Variants in STAG1 observed in about 807,000 individuals in gnomAD.
STAG1 encodes STAG1 cohesin complex component.
STAG1 carries 26 observed loss-of-function variants against 170.9 expected under a neutral mutation model. That is an observed-to-expected ratio of 0.15 (90% confidence interval 0.11 to 0.21). The LOEUF (loss-of-function observed/expected upper bound fraction) is 0.21, where lower values mean the gene tolerates loss of function less well. STAG1 is among the 10% of genes least tolerant of loss of function. The probability of loss-of-function intolerance (pLI) is 1.00; values close to 1 mark genes in which losing one functional copy is unlikely to be tolerated. For synonymous variants in STAG1, 514 were observed against 497.7 expected (o/e 1.03, Z -0.44); for missense variants, 964 against 1,509.5 (o/e 0.64, Z 5.99).
intron 1 of STAG1, among the ~76,000 whole-genome samples, chr3:136,681,434 T>C (rs940311156): frequency 1.3e-5 from 2 of 152,184 alleles, no homozygotes; most frequent in African/African-American, 4.8e-5. Context: ...TCAATCTGCC[T>C]GTAGCCTTGG....
intron 27 of STAG1, among the ~76,000 whole-genome samples, chr3:136,358,455 T>G (rs1936739609): frequency 6.6e-6 from 1 of 152,164 alleles, no homozygotes; most frequent in African/African-American, 2.4e-5. Flanking sequence ...GCCAGAATAT[T>G]TGCTTCTTAG....
At chr3:136,699,443 T>C (rs1325618940) in intron 1 of STAG1, among the ~76,000 whole-genome samples, 1 of 152,168 alleles carries the variant, frequency 6.6e-6, no homozygotes, top group East Asian at 1.9e-4. Flanking sequence ...CAGGCTGGAA[T>C]GCAATGGCAT....
At chr3:136,435,255 T>C (rs980742746) in intron 15 of STAG1, among the ~76,000 whole-genome samples, 1 of 152,234 alleles carries the variant, frequency 6.6e-6, no homozygotes, top group African/African-American at 2.4e-5. Flanking sequence ...AAGTGGCTTA[T>C]ATGTAATAAC....
At chr3:136,714,938 AATATATATATATATAT>A (rs71714671) in intron 1 of STAG1, among the ~76,000 whole-genome samples, 1,295 of 95,708 alleles carry the variant, frequency 0.014, 22 homozygotes, top group African/African-American at 0.05. Flanking sequence ...ATATATATTA[AATATATATATATATAT>A]ATATATATAT....
chr3:136,477,211 T>C (rs1251823974), intron 10 of STAG1, 78 bp downstream of exon 10: 1 of 1,449,278 alleles, frequency 6.9e-7, no homozygotes, highest in African/African-American at 1.4e-5. Context: ...AAAAATCAAC[T>C]ACTGTCATTT....
intron 21 of STAG1, among the ~76,000 whole-genome samples, chr3:136,405,818 A>G (rs1298167527): frequency 6.6e-6 from 1 of 150,430 alleles, no homozygotes; most frequent in Non-Finnish European, 1.5e-5. Flanking sequence ...AAAAAAAAAA[A>G]AAAGGAAAAA....
intron 3 of STAG1, among the ~76,000 whole-genome samples, chr3:136,619,257 A>G (rs1939736254): frequency 6.7e-6 from 1 of 150,094 alleles, no homozygotes; most frequent in Non-Finnish European, 1.5e-5. Context: ...AACACCATTC[A>G]CTCATTAAAC....
At chr3:136,555,106 TATATTATA>T (rs1024904371) in intron 5 of STAG1, among the ~76,000 whole-genome samples, 2 of 147,774 alleles carry the variant, frequency 1.4e-5, no homozygotes, top group Non-Finnish European at 3.0e-5. Flanking sequence ...TTATAATATA[TATATTATA>T]AATATATAAA....
intron 1 of STAG1, among the ~76,000 whole-genome samples, chr3:136,731,635 C>T (rs186661175): frequency 6.6e-6 from 1 of 152,360 alleles, no homozygotes; most frequent in Admixed American, 6.5e-5. Flanking sequence ...ATATGCCCCT[C>T]CTTGTGTACT....
chr3:136,700,927 G>A (rs1449072350), intron 1 of STAG1, among the ~76,000 whole-genome samples: 2 of 136,726 alleles, frequency 1.5e-5, no homozygotes, highest in Non-Finnish European at 3.1e-5. Flanking sequence ...TGTCACCCAG[G>A]CTGGAGTGCA....
chr3:136,467,727 C>T (rs1353084991), intron 12 of STAG1, among the ~76,000 whole-genome samples: 1 of 152,208 alleles, frequency 6.6e-6, no homozygotes, highest in Non-Finnish European at 1.5e-5. Flanking sequence ...CACCACATCA[C>T]ACTTATTCCA....
chr3:136,571,358 C>T (rs1465177705), intron 4 of STAG1, among the ~76,000 whole-genome samples: 1 of 152,160 alleles, frequency 6.6e-6, no homozygotes, highest in East Asian at 1.9e-4. Context: ...GACTTGAGCA[C>T]AGGAGTTTGA....
At chr3:136,704,620 G>A (rs1479821814) in intron 1 of STAG1, among the ~76,000 whole-genome samples, 2 of 151,468 alleles carry the variant, frequency 1.3e-5, no homozygotes, top group Non-Finnish European at 2.9e-5. Context: ...TTGAGCTCAG[G>A]GGTTCCAGAC....
At position 136,386,208 on chromosome 3, in the gene STAG1, G is replaced by T. The variant is rs542211901; in HGVS notation, c.2278-8456C>A. The stretch of plus-strand genomic sequence containing the variant: ...AAAAAAATTAGCTGGGCATGGTGGT[G>T]CACGCCTGTAATCCCAGCTACTCAG... On this transcript the variant is annotated intron_variant, in intron 22 of 33. Transcript: ENST00000383202. Among the ~76,000 whole-genome samples, 10 of 152,166 alleles carry T rather than the reference G, an allele frequency of 6.6e-5. No individual in the cohort carries two copies. The South Asian group carries it at 1.7e-3, about 25-fold the overall frequency.
At chr3:136,627,909 C>T (rs1940177396) in intron 2 of STAG1, among the ~76,000 whole-genome samples, 1 of 152,196 alleles carries the variant, frequency 6.6e-6, no homozygotes, top group Admixed American at 6.5e-5. Flanking sequence ...CTTCTCCTGA[C>T]AGGTCTCCTT....
chr3:136,714,956 T>TATAC (rs1553770560), intron 1 of STAG1, among the ~76,000 whole-genome samples: 1 of 69,156 alleles, frequency 1.4e-5, no homozygotes, highest in Non-Finnish European at 3.8e-5. Flanking sequence ...TATATATATA[T>TATAC]ATATATATTT....
chr3:136,384,468 A>AT (rs1055613901), intron 22 of STAG1, among the ~76,000 whole-genome samples: 48 of 150,402 alleles, frequency 3.2e-4, no homozygotes, highest in African/African-American at 9.0e-4. Flanking sequence ...GAAGAAAAAA[A>AT]AAAAAAAAAG....
chr3:136,520,074 G>T (rs913903168), intron 7 of STAG1, among the ~76,000 whole-genome samples: 1 of 151,878 alleles, frequency 6.6e-6, no homozygotes, highest in African/African-American at 2.4e-5. Context: ...TGAGAATTGG[G>T]AAAAAAAGAA....
At chr3:136,650,306 T>C (rs1246603428) in intron 1 of STAG1, among the ~76,000 whole-genome samples, 1 of 150,012 alleles carries the variant, frequency 6.7e-6, no homozygotes, top group Non-Finnish European at 1.5e-5. Context: ...ATAATAACAA[T>C]ACAAAAATAA....
Sources: allele counts gnomAD v4.1 joint callset (sites outside exome capture counted in the v4.1 genomes callset), GRCh38; gene constraint gnomAD v4.1.1; transcripts MANE v1.5; gene names NCBI Gene and HGNC (gene_info 2026-07-23, HGNC 2026-07-21).